Variants in PALM2AKAP2 observed in about 807,000 individuals in gnomAD.
PALM2AKAP2 encodes PALM2-AKAP2 fusion protein.
PALM2AKAP2 carries 37 observed loss-of-function variants against 71.5 expected under a neutral mutation model. The ratio of observed to expected loss-of-function variants is 0.52; its 90% CI spans 0.40 to 0.68. The LOEUF (loss-of-function observed/expected upper bound fraction) is 0.68, where lower values mean the gene tolerates loss of function less well. PALM2AKAP2 is among the 30% of genes least tolerant of loss of function. The pLI is 0.00. For missense variants in PALM2AKAP2, 1,224 were observed against 1,191.8 expected, an observed-to-expected ratio of 1.03 and a Z score of -0.40; for synonymous variants, 468 against 478.8, an observed-to-expected ratio of 0.98 and a Z score of 0.29.
At chr9:110,023,275 CTGGTG>C (rs1338979897) in intron 7 of PALM2AKAP2, among the ~76,000 whole-genome samples, 1 of 144,444 alleles carries the variant, frequency 6.9e-6, no homozygotes, top group East Asian at 2.1e-4. Flanking sequence ...CCCATTCTAA[CTGGTG>C]TGAGATGGTA....
intron 5 of PALM2AKAP2, among the ~76,000 whole-genome samples, chr9:109,927,529 G>A (rs1056837814): frequency 7.9e-5 from 12 of 152,160 alleles, no homozygotes; most frequent in African/African-American, 2.4e-4. Flanking sequence ...ATCCCAACTC[G>A]TGAGGTGCTA....
intron 1 of PALM2AKAP2, among the ~76,000 whole-genome samples, chr9:109,786,171 C>T (rs554119694): frequency 6.6e-6 from 1 of 152,256 alleles, no homozygotes; most frequent in Non-Finnish European, 1.5e-5. Context: ...CCTTGAGTAC[C>T]AGGCTTGGAG....
intron 3 of PALM2AKAP2, among the ~76,000 whole-genome samples, chr9:109,893,355 A>T (rs1442388551): frequency 6.6e-6 from 1 of 152,234 alleles, no homozygotes; most frequent in Admixed American, 6.5e-5. Context: ...GGACAATATG[A>T]TAGATGGATT....
chr9:109,758,757 GA>G (rs995229790), intron 1 of PALM2AKAP2, among the ~76,000 whole-genome samples: 1 of 151,982 alleles, frequency 6.6e-6, no homozygotes, highest in African/African-American at 2.4e-5. Flanking sequence ...CTCATTTAAA[GA>G]TTTAGAAAGA....
At chr9:109,814,891 A>C (rs530037897) in intron 1 of PALM2AKAP2, among the ~76,000 whole-genome samples, 8 of 152,006 alleles carry the variant, frequency 5.3e-5, no homozygotes, top group Middle Eastern at 6.8e-3. Flanking sequence ...TTTTAGGTAG[A>C]GTTTGGATTT....
intron 1 of PALM2AKAP2, among the ~76,000 whole-genome samples, chr9:110,091,758 A>G (rs148777714): frequency 1.8e-3 from 273 of 152,214 alleles, no homozygotes; most frequent in East Asian, 4.8e-3. Flanking sequence ...CACCGCGCCC[A>G]GCCAAGATTT....
Position 109,745,203 on chromosome 9 carries a change from G to A in PALM2AKAP2, c.6-35285G>A, listed in dbSNP as rs367802713. Among the ~76,000 whole-genome samples the A allele has an allele frequency of 7.9e-5, 12 of 152,124 alleles. No homozygotes were observed. In the East Asian group the frequency reaches 9.7e-4, roughly 12 times the overall value. On this transcript the variant is annotated intron_variant, in intron 1 of 6. Transcript: ENST00000374531. ...TGGACTCCACTTAAAAATAAGGCTCGTAGCCGGGCATGGTGGCACAAGTCT... is the reference window on the plus strand; with the variant it reads ...TGGACTCCACTTAAAAATAAGGCTCATAGCCGGGCATGGTGGCACAAGTCT...
At chr9:110,090,793 A>G (rs1437618442) in intron 1 of PALM2AKAP2, among the ~76,000 whole-genome samples, 2 of 152,226 alleles carry the variant, frequency 1.3e-5, no homozygotes, top group African/African-American at 4.8e-5. Context: ...GAGGCAAAGC[A>G]TCAGTAGAAA....
chr9:110,016,504 T>A (rs1379645438), intron 7 of PALM2AKAP2, among the ~76,000 whole-genome samples: 1 of 152,172 alleles, frequency 6.6e-6, no homozygotes, highest in Non-Finnish European at 1.5e-5. Context: ...TCCACTGATG[T>A]CAGCAGGAAG....
intron 2 of PALM2AKAP2, among the ~76,000 whole-genome samples, chr9:110,147,112 G>A (rs554118018): frequency 2.0e-5 from 3 of 152,142 alleles, no homozygotes; most frequent in South Asian, 4.1e-4. Context: ...TGAGCCAGGC[G>A]TGGTGTCACA....
At chr9:109,703,729 T>A (rs888827541) in intron 1 of PALM2AKAP2, among the ~76,000 whole-genome samples, 5 of 145,572 alleles carry the variant, frequency 3.4e-5, no homozygotes, top group Admixed American at 6.8e-5. Context: ...TTGTGTTTCA[T>A]GAACATATAT....
At chr9:110,091,322 C>G (rs1246460963) in intron 1 of PALM2AKAP2, among the ~76,000 whole-genome samples, 1 of 151,970 alleles carries the variant, frequency 6.6e-6, no homozygotes, top group Non-Finnish European at 1.5e-5. Context: ...GAGGTAACTT[C>G]CTTTTCAAAA....
At chr9:110,160,111 G>A (rs553035676) in intron 3 of PALM2AKAP2, among the ~76,000 whole-genome samples, 20 of 152,150 alleles carry the variant, frequency 1.3e-4, no homozygotes, top group Non-Finnish European at 2.5e-4. Flanking sequence ...ACCAACCTAT[G>A]CAAGGCCTTT....
rs113983808 is a variant in PALM2AKAP2 at position 109,780,723 on chromosome 9, C to A, written c.45+190C>A. Among the ~76,000 whole-genome samples, 322 of 152,066 alleles carry A rather than the reference C, an allele frequency of 2.1e-3. 2 individuals carry two copies. Among genetic ancestry groups the A allele is most frequent in the Middle Eastern group, 0.014 (4 of 294 alleles). ...CTATAGATGGAGACCCCCAAGGGCG[C>A]GCTTTGGACTGAGGATTTGAATGTG... On this transcript the variant is annotated intron_variant, in intron 1 of 9. Transcript: ENST00000302798.
intron 3 of PALM2AKAP2, among the ~76,000 whole-genome samples, chr9:109,887,981 G>A (rs1830005011): frequency 6.6e-6 from 1 of 152,138 alleles, no homozygotes; most frequent in South Asian, 2.1e-4. Flanking sequence ...CATGACTCTG[G>A]AGGTGCCGGT....
intron 1 of PALM2AKAP2, among the ~76,000 whole-genome samples, chr9:110,124,194 C>T (rs1835548612): frequency 1.3e-5 from 2 of 152,222 alleles, no homozygotes; most frequent in Non-Finnish European, 1.5e-5. Context: ...ATTATCCCTT[C>T]CTTGACTCGT....
At chr9:110,165,262 A>T (rs373981006) in intron 3 of PALM2AKAP2, among the ~76,000 whole-genome samples, 4 of 150,400 alleles carry the variant, frequency 2.7e-5, no homozygotes, top group African/African-American at 9.9e-5. Context: ...CAAGTAATAA[A>T]AGCTCTAAAT....
At chr9:109,948,173 A>G (rs1388405057) in intron 6 of PALM2AKAP2, among the ~76,000 whole-genome samples, 15 of 152,332 alleles carry the variant, frequency 9.8e-5, no homozygotes. Flanking sequence ...GCAGATATGT[A>G]TCTGTGTTTT....
At chr9:110,007,405 A>C (rs189276846) in intron 6 of PALM2AKAP2, among the ~76,000 whole-genome samples, 2 of 152,314 alleles carry the variant, frequency 1.3e-5, no homozygotes, top group Admixed American at 1.3e-4. Flanking sequence ...ATCTCTCAAA[A>C]TCTGAGCATC....
Sources: allele counts gnomAD v4.1 joint callset (sites outside exome capture counted in the v4.1 genomes callset), GRCh38; gene constraint gnomAD v4.1.1; transcripts MANE v1.5; gene names NCBI Gene and HGNC (gene_info 2026-07-23, HGNC 2026-07-21).